The following SLC9A4 variants were observed in gnomAD, a reference collection of about 807,000 sequenced individuals.
The protein encoded by SLC9A4 is sodium/hydrogen exchanger 4.
A neutral mutation model predicts 67.4 loss-of-function variants in SLC9A4; 63 were observed. The observed-to-expected ratio is 0.93, with a 90% CI of 0.76 to 1.15. SLC9A4 has a LOEUF of 1.15. SLC9A4 is among the 50% of genes most tolerant of loss of function. SLC9A4 has a pLI of 0.00. For missense variants in SLC9A4, 1,089 were observed against 987.7 expected (o/e 1.10, Z -1.38); for synonymous variants, 393 against 367.2 (o/e 1.07, Z -0.80).
intron 2 of SLC9A4, among the ~76,000 whole-genome samples, 181 bp downstream of exon 2, chr2:102,479,483 A>T (rs965594434): frequency 6.6e-6 from 1 of 152,172 alleles, no homozygotes; most frequent in African/African-American, 2.4e-5. Context: ...CTGCCTACAT[A>T]ACGGTTCACT....
chr2:102,522,789 C>G (rs930255082), intron 9 of SLC9A4, among the ~76,000 whole-genome samples: 2 of 152,156 alleles, frequency 1.3e-5, no homozygotes, highest in African/African-American at 2.4e-5. Context: ...TGTATCATTA[C>G]TAATGATAGA....
At chr2:102,514,381 T>C (rs923349582) in intron 8 of SLC9A4, 130 bp downstream of exon 8, 1 of 586,112 alleles carries the variant, frequency 1.7e-6, no homozygotes, top group African/African-American at 1.9e-5. Flanking sequence ...ATTTTTAAAA[T>C]ATGTAATCTA....
rs968960932 is a variant in SLC9A4 at position 102,503,563 on chromosome 2, T to C, written c.836T>C (p.Leu279Ser). ...RFIVVGLGGV[L>S]FGIVFGFISA... ...ATCGTTGTGGGGCTTGGAGGGGTAT[T>C]GTTTGGCATCGTTTTTGGATTTATT... Residue 279 changes from leucine to serine, a missense_variant, in exon 3 of 12, where the codon TTG becomes TCG. Coordinates refer to ENST00000295269, the MANE Select transcript of SLC9A4 (RefSeq NM_001011552.4). 4.2e-5 allele frequency: 67 copies of C among 1,614,194 alleles called. No individual in the cohort carries two copies. The highest frequency in any genetic ancestry group is 5.4e-5 in the Non-Finnish European group (64 of 1,180,048).
At chr2:102,478,406 A>C (rs1684378271) in intron 1 of SLC9A4, among the ~76,000 whole-genome samples, 2 of 152,232 alleles carry the variant, frequency 1.3e-5, no homozygotes, top group Admixed American at 1.3e-4. Flanking sequence ...AGGACTTTTA[A>C]TTTTTGTGTA....
chr2:102,499,522 ATGTG>A (rs1011973782), intron 2 of SLC9A4, among the ~76,000 whole-genome samples: 2 of 152,064 alleles, frequency 1.3e-5, no homozygotes, highest in South Asian at 4.2e-4. Context: ...TGTTCATGGT[ATGTG>A]TGTGTGTCTG....
At chr2:102,475,619 T>A (rs1684314415) in intron 1 of SLC9A4, among the ~76,000 whole-genome samples, 1 of 152,236 alleles carries the variant, frequency 6.6e-6, no homozygotes, top group African/African-American at 2.4e-5. Context: ...TTGATTTTCA[T>A]GATGTAATTT....
At chr2:102,474,339 C>A (rs778494711) in intron 1 of SLC9A4, among the ~76,000 whole-genome samples, 1 of 152,120 alleles carries the variant, frequency 6.6e-6, no homozygotes, top group African/African-American at 2.4e-5. Flanking sequence ...GAATAAAGCA[C>A]GTAGACCTGG....
intron 2 of SLC9A4, among the ~76,000 whole-genome samples, chr2:102,491,466 G>A (rs574630529): frequency 1.3e-5 from 2 of 151,892 alleles, no homozygotes; most frequent in African/African-American, 4.8e-5. Context: ...AGGCGAAGGA[G>A]GAGCAAAGCC....
intron 2 of SLC9A4, among the ~76,000 whole-genome samples, chr2:102,483,059 C>T (rs1204883133): frequency 6.6e-6 from 1 of 152,106 alleles, no homozygotes; most frequent in Non-Finnish European, 1.5e-5. Context: ...AGTTTAATTG[C>T]TTTGGGGGAG....
chr2:102,495,638 A>C (rs543718746), intron 2 of SLC9A4, among the ~76,000 whole-genome samples: 3 of 152,302 alleles, frequency 2.0e-5, no homozygotes, highest in African/African-American at 7.2e-5. Context: ...ATAATTCTAC[A>C]CAAATGACAA....
intron 2 of SLC9A4, among the ~76,000 whole-genome samples, chr2:102,499,661 C>A (rs1307492774): frequency 2.6e-5 from 4 of 152,270 alleles, no homozygotes; most frequent in Admixed American, 1.3e-4. Flanking sequence ...TCTTCATCTT[C>A]CCCAGCTTCC....
intron 9 of SLC9A4, among the ~76,000 whole-genome samples, chr2:102,521,975 C>G (rs532089842): frequency 2.6e-5 from 4 of 152,304 alleles, no homozygotes; most frequent in African/African-American, 9.6e-5. Flanking sequence ...CCAGCCAATT[C>G]TGTTTGAAGT....
chr2:102,490,607 A>G (rs910202114), intron 2 of SLC9A4, among the ~76,000 whole-genome samples: 3 of 152,168 alleles, frequency 2.0e-5, no homozygotes, highest in African/African-American at 4.8e-5. Context: ...GTTAAACCCC[A>G]ACATATAAAT....
chr2:102,529,291 T>C (rs1157406380), intron 11 of SLC9A4, among the ~76,000 whole-genome samples: 1 of 152,214 alleles, frequency 6.6e-6, no homozygotes, highest in Admixed American at 6.5e-5. Flanking sequence ...ACAAAGACAG[T>C]GGTTAAACTA....
At chr2:102,517,699 A>G (rs1167695490) in intron 8 of SLC9A4, among the ~76,000 whole-genome samples, 8 of 152,238 alleles carry the variant, frequency 5.3e-5, no homozygotes, top group Non-Finnish European at 1.2e-4. Context: ...TATCACATAC[A>G]CCCCAAAACT....
intron 2 of SLC9A4, among the ~76,000 whole-genome samples, chr2:102,493,861 G>A (rs1012446067): frequency 2.0e-5 from 3 of 151,780 alleles, no homozygotes; most frequent in African/African-American, 7.3e-5. Context: ...TACCATAACT[G>A]CAAGCTGGGC....
chr2:102,500,901 A>G (rs952027971), intron 2 of SLC9A4, among the ~76,000 whole-genome samples: 1 of 152,022 alleles, frequency 6.6e-6, no homozygotes. Context: ...CAGCTTAGGG[A>G]CAACTTTGCA....
chr2:102,518,168 T>C (rs1230476501), intron 8 of SLC9A4, among the ~76,000 whole-genome samples: 1 of 152,202 alleles, frequency 6.6e-6, no homozygotes, highest in Non-Finnish European at 1.5e-5. Flanking sequence ...AGAGCTTGAA[T>C]GGATTTTAAC....
Position 102,494,835 on chromosome 2 carries a change from G to A in SLC9A4, c.721-8613G>A, listed in dbSNP as rs116610354. On this transcript the variant is annotated intron_variant, in intron 2 of 11. Coordinates refer to ENST00000295269, the MANE Select transcript of SLC9A4 (RefSeq NM_001011552.4). ...CTAATATTAGTGCAACAAAATACAT[G>A]AATTAAAAATTGACAAATTGAAAGG... Among the ~76,000 whole-genome samples the A allele has an allele frequency of 3.5e-3, 534 of 152,112 alleles. 3 individuals are homozygous for A. Among genetic ancestry groups the A allele is most frequent in the African/African-American group, 0.012 (501 of 41,552 alleles).
Sources: allele counts gnomAD v4.1 joint callset (sites outside exome capture counted in the v4.1 genomes callset), GRCh38; gene constraint gnomAD v4.1.1; transcripts MANE v1.5; gene names NCBI Gene and HGNC (gene_info 2026-07-23, HGNC 2026-07-21).